INTS2: variants seen among roughly 807,000 people sequenced by gnomAD.
The protein encoded by INTS2 is integrator complex subunit 2, also known as KIAA1287.
In INTS2, 57 loss-of-function variants were observed where a neutral mutation model predicts 139.6. The ratio of observed to expected loss-of-function variants is 0.41; its 90% CI spans 0.33 to 0.51. INTS2 has a LOEUF of 0.51. INTS2 is among the 20% of genes least tolerant of loss of function. The pLI, the probability that INTS2 is intolerant of heterozygous loss-of-function variation, is 0.28. For synonymous variants in INTS2, 473 were observed against 493.4 expected (o/e 0.96, Z 0.55); for missense variants, 1,196 against 1,436.7 (o/e 0.83, Z 2.71).
In INTS2 at chr17:61,883,853, T is replaced by C. The variant is rs189771600; in HGVS notation, c.2089+1048A>G. Among the ~76,000 whole-genome samples the C allele has an allele frequency of 4.6e-5, 7 of 150,980 alleles. No homozygotes were observed. In the East Asian group the frequency reaches 1.4e-3, roughly 29 times the overall value. On this transcript the variant is annotated intron_variant, in intron 16 of 24. Transcript: ENST00000251334. ...AGGTATTTAATTAAGAAAAAATCTC[T>C]AGAAAATTAGCTGGGCGTGGTGGCA...
In INTS2 at chr17:61,897,671, T is replaced by C; in HGVS notation, c.1376A>G (p.Glu459Gly). The change falls in exon 10 of 25, where the codon GAG (glutamate) becomes GGG (glycine). Residue 459 changes from glutamate to glycine, a missense_variant. By Grantham distance (98) the Glu-to-Gly change is moderately conservative. This residue lies in a region of INTS2 where 1,129 missense variants were observed against 1,341.9 expected (regional missense o/e 0.84). Transcript: ENST00000251334. This position sits in a 1 kb window ranked among gnomAD's most constrained non-coding sequence, Gnocchi z 4.4. ...SWMIKEEAYF[E>G]STSGVSASFG... Reference sequence around the variant, plus strand: ...TAACTAAATCAAATTATCTTACCTCTCAAAATACGCTTCTTCTTTTATCAT... The same window carrying C: ...TAACTAAATCAAATTATCTTACCTCCCAAAATACGCTTCTTCTTTTATCAT... 1 of 1,603,574 alleles carries C rather than the reference T, an allele frequency of 6.2e-7. No homozygotes were observed. The highest frequency in any genetic ancestry group is 8.5e-7 in the Non-Finnish European group (1 of 1,174,344).
Position 61,925,058 on chromosome 17 carries a change from GAT to G in INTS2, c.333_334del (p.Ser112ThrfsTer11). 1 of 1,613,680 alleles carries G rather than the reference GAT, an allele frequency of 6.2e-7. No individual in the cohort carries two copies. Among genetic ancestry groups the G allele is most frequent in the Non-Finnish European group, 8.5e-7 (1 of 1,179,656 alleles). ...TAACGTCAGTCCATGCTGAAGCTGT[GAT>G]ACCAGGATGCTCTCTCCACTGCCTC... On this transcript the variant is annotated frameshift_variant, in exon 3 of 25. Transcript: ENST00000251334. LOFTEE classifies it high-confidence loss of function.
chr17:61,868,598 T>C lies in INTS2; in HGVS notation c.3244+436A>G, dbSNP rs1015911338. 1.2e-4 allele frequency among the ~76,000 whole-genome samples: 18 copies of C among 152,190 alleles called. No homozygotes were observed. Among genetic ancestry groups the C allele is most frequent in the Non-Finnish European group, 2.2e-4 (15 of 67,994 alleles). ...AGAAGGTGGTTAAAATATCAGAATA[T>C]GTTTTAGAACTTATGAAGACATCTA... On this transcript the variant is annotated intron_variant, in intron 23 of 24. Coordinates refer to ENST00000251334, the MANE Select transcript of INTS2 (RefSeq NM_001351695.2). The surrounding 1 kb of genome is among the most constrained non-coding windows in gnomAD (Gnocchi z 4.7).
At chr17:61,878,723 C>A (rs892870650) in intron 17 of INTS2, among the ~76,000 whole-genome samples, 2 of 152,088 alleles carry the variant, frequency 1.3e-5, no homozygotes, top group South Asian at 4.2e-4. Flanking sequence ...AGGAGGATTG[C>A]ATGAGTCCAG....
chr17:61,885,788 G>A (rs1467723329), intron 15 of INTS2, among the ~76,000 whole-genome samples: 1 of 146,292 alleles, frequency 6.8e-6, no homozygotes, highest in Non-Finnish European at 1.5e-5. Flanking sequence ...GAGTGCAGTG[G>A]CGCGATCTTG....
At chr17:61,910,417 G>A (rs112371996) in intron 7 of INTS2, 25,239 of 151,852 alleles carry the variant, frequency 0.17, 2,532 homozygotes, top group East Asian at 0.54. Context: ...CCAACATGGC[G>A]AAACCCAGCC....
At chr17:61,877,641 A>G (rs2079137326) in intron 18 of INTS2, among the ~76,000 whole-genome samples, 1 of 152,238 alleles carries the variant, frequency 6.6e-6, no homozygotes, top group South Asian at 2.1e-4. Flanking sequence ...ATAACTATAC[A>G]TGATAACCCA....
chr17:61,881,862 C>T (rs1419328115), intron 16 of INTS2, among the ~76,000 whole-genome samples: 2 of 152,188 alleles, frequency 1.3e-5, no homozygotes, highest in African/African-American at 4.8e-5. Context: ...AAGCTTTCAA[C>T]TTTCTTCCAC....
chr17:61,869,346 G>C lies in INTS2; in HGVS notation c.3065C>G (p.Ala1022Gly), dbSNP rs924981971. ...YPCELLPLTV[A>G]GIPSMHICLD... The stretch of plus-strand genomic sequence containing the variant: ...ACAGATGTGCATAGATGGAATACCT[G>C]CGACCGTCAGAGGCAAAAGTTCACA... Residue 1022 changes from alanine (A) to glycine (G), a missense_variant, in exon 22 of 25, where the codon GCA (alanine) becomes GGA (glycine). Physicochemically the swap from Ala to Gly is moderately conservative, Grantham distance 60. Transcript: ENST00000251334. This position sits in a 1 kb window ranked among gnomAD's most constrained non-coding sequence, Gnocchi z 5.4. 2 of 1,606,602 alleles carry C rather than the reference G, an allele frequency of 1.2e-6. No homozygotes were observed. Among genetic ancestry groups the C allele is most frequent in the African/African-American group, 2.7e-5 (2 of 74,748 alleles).
At chr17:61,890,047 C>CA (rs1461696276) in intron 14 of INTS2, among the ~76,000 whole-genome samples, 153 bp from the exon 15 acceptor site, 2 of 151,498 alleles carry the variant, frequency 1.3e-5, no homozygotes, top group Non-Finnish European at 2.9e-5. Flanking sequence ...GTATTAAACT[C>CA]AAAAAAACAA....
At chr17:61,925,675 G>A (rs2143195703) in intron 2 of INTS2, among the ~76,000 whole-genome samples, 1 of 152,052 alleles carries the variant, frequency 6.6e-6, no homozygotes, top group Middle Eastern at 3.4e-3. Context: ...GATTCACAAT[G>A]GGCAGGGAAG....
intron 3 of INTS2, among the ~76,000 whole-genome samples, chr17:61,924,524 T>C: frequency 6.6e-6 from 1 of 151,932 alleles, no homozygotes; most frequent in East Asian, 1.9e-4. Flanking sequence ...TATATAGAAA[T>C]AAAAGTAGAG....
In INTS2 at chr17:61,921,791, A is replaced by C; in HGVS notation, c.469T>G (p.Ser157Ala). Reference protein sequence around the residue: ...ESNGEFFFKSSELFESPVYLE... With the variant: ...ESNGEFFFKSAELFESPVYLE... ...TATACTGGACTCTCAAAAAGTTCAG[A>C]AGACTTGAAAAAAAATTCTCCGTTG... Residue 157 changes from serine (S) to alanine (A), a missense_variant, in exon 4 of 25, where the codon TCT (serine) becomes GCT (alanine). Physicochemically the swap from Ser to Ala is moderately conservative, Grantham distance 99 (BLOSUM62 1). Coordinates refer to ENST00000251334, the MANE Select transcript of INTS2 (RefSeq NM_001351695.2). 1 of 1,604,282 alleles carries C rather than the reference A, an allele frequency of 6.2e-7. No homozygotes were observed. The highest frequency in any genetic ancestry group is 8.5e-7 in the Non-Finnish European group (1 of 1,175,586).
chr17:61,904,595 A>AAT lies in INTS2; in HGVS notation c.1182-12_1182-11dup. Reference sequence around the variant, plus strand: ...TTCTTCTTCAGTTGGTCTAAAAAGGAATACATCATTAGGCTTTACATTTTT... The same window carrying AAT: ...TTCTTCTTCAGTTGGTCTAAAAAGGAATATACATCATTAGGCTTTACATTTTT... On this transcript the variant is annotated splice_polypyrimidine_tract_variant and intron_variant, in intron 8 of 24. Coordinates refer to ENST00000251334, the MANE Select transcript of INTS2 (RefSeq NM_001351695.2). 6.2e-7 allele frequency: 1 copy of AAT among 1,604,252 alleles called. No individual in the cohort carries two copies. The highest frequency in any genetic ancestry group is 8.5e-7 in the Non-Finnish European group (1 of 1,176,040).
chr17:61,884,773 C>A (rs928062012), intron 16 of INTS2, 128 bp downstream of exon 16: 1 of 663,652 alleles, frequency 1.5e-6, no homozygotes, highest in African/African-American at 1.8e-5. Flanking sequence ...GTGAGGGAGG[C>A]AAAGAGGAAT....
At chr17:61,917,044 A>G (rs1001177498) in intron 5 of INTS2, among the ~76,000 whole-genome samples, 1 of 152,224 alleles carries the variant, frequency 6.6e-6, no homozygotes, top group African/African-American at 2.4e-5. Flanking sequence ...AAAATGCTCC[A>G]TATCACTAAT....
chr17:61,926,956 CA>C, intron 1 of INTS2: 1 of 407,858 alleles, frequency 2.5e-6, no homozygotes, highest in Non-Finnish European at 4.5e-6. Context: ...GTAACACGCC[CA>C]AAATAGTATT....
rs549054376 is a variant in INTS2, at chr17:61,878,854, C to A, written c.2255-766G>T. On this transcript the variant is annotated intron_variant, in intron 17 of 24. Coordinates refer to ENST00000251334, the MANE Select transcript of INTS2 (RefSeq NM_001351695.2). Reference sequence around the variant, plus strand: ...ACTCGAGAGGAAGATCCCTTATGCCCAGGAGACAGAGTTTGCAGTGAGCTG... The same window carrying A: ...ACTCGAGAGGAAGATCCCTTATGCCAAGGAGACAGAGTTTGCAGTGAGCTG... Among the ~76,000 whole-genome samples the A allele has an allele frequency of 3.8e-5, 5 of 132,922 alleles. No individual in the cohort carries two copies. In the Admixed American group the frequency reaches 4.4e-4, roughly 12 times the overall value. 87.2% of individuals were successfully genotyped at this position (132,922 alleles called of 152,430 possible). A position where few individuals can be genotyped will look rare whatever the true frequency, so the allele number is the denominator to read the frequency against.
intron 15 of INTS2, among the ~76,000 whole-genome samples, chr17:61,886,012 G>T (rs541606894): frequency 9.2e-5 from 14 of 151,992 alleles, no homozygotes; most frequent in African/African-American, 2.9e-4. Context: ...ACAGGCATGA[G>T]CCACAGTGAA....
Sources: gnomAD v4.1 joint callset for allele counts (sites outside exome capture counted in the v4.1 genomes callset) on GRCh38, gnomAD v4.1.1 for gene constraint, gnomAD v4.1.1 regional missense constraint, Gnocchi (gnomAD v3.1) non-coding constraint, MANE v1.5 for transcripts, NCBI Gene and HGNC (gene_info 2026-07-23, HGNC 2026-07-21) for gene names.